The following DRC11 variants were observed in gnomAD, a reference collection of about 807,000 sequenced individuals.
DRC11 encodes the protein IQ and AAA domain-containing protein 1.
chr2:236,356,901 A>G, the DRC11 span, among the ~76,000 whole-genome samples: 4 of 129,698 alleles, frequency 3.1e-5, no homozygotes. Context: ...TATAATATGT[A>G]TATTTATATA....
chr2:236,335,355 C>T, the DRC11 span, among the ~76,000 whole-genome samples: 36 of 152,332 alleles, frequency 2.4e-4, no homozygotes, highest in Admixed American at 1.4e-3. This position sits in a 1 kb window ranked among gnomAD's most constrained non-coding sequence, Gnocchi z 5.6. Flanking sequence ...GCGATGACGT[C>T]GGCCAGAATG....
the DRC11 span, among the ~76,000 whole-genome samples, chr2:236,374,625 G>C: frequency 2.6e-5 from 4 of 152,150 alleles, no homozygotes; most frequent in Non-Finnish European, 5.9e-5. Context: ...CTCACATTGT[G>C]AGAACGAAAG....
the DRC11 span, chr2:236,408,982 G>T: frequency 1.4e-6 from 1 of 709,304 alleles, no homozygotes. This position sits in a 1 kb window ranked among gnomAD's most constrained non-coding sequence, Gnocchi z 5.5. Flanking sequence ...TCATCCTTAG[G>T]GCAGCTCTTC....
chr2:236,365,369 T>C, the DRC11 span, among the ~76,000 whole-genome samples: 1 of 151,854 alleles, frequency 6.6e-6, no homozygotes, highest in Non-Finnish European at 1.5e-5. The surrounding 1 kb of genome is among the most constrained non-coding windows in gnomAD (Gnocchi z 7.4). Context: ...GGCCAGCCTC[T>C]GAGGAATGGG....
At chr2:236,493,851 T>C in the DRC11 span, 1 of 1,606,622 alleles carries the variant, frequency 6.2e-7, no homozygotes, top group Non-Finnish European at 8.5e-7. Flanking sequence ...AACTTCTCCT[T>C]CAAAAAATAC....
At chr2:236,430,198 A>AACAC in the DRC11 span, among the ~76,000 whole-genome samples, 5,160 of 149,184 alleles carry the variant, frequency 0.035, 255 homozygotes, top group African/African-American at 0.11. This position sits in a 1 kb window ranked among gnomAD's most constrained non-coding sequence, Gnocchi z 6.0. Context: ...ATATACATAT[A>AACAC]ACACACACAC....
the DRC11 span, among the ~76,000 whole-genome samples, chr2:236,419,591 C>T: frequency 6.6e-6 from 1 of 152,318 alleles, no homozygotes; most frequent in Non-Finnish European, 1.5e-5. The surrounding 1 kb of genome is among the most constrained non-coding windows in gnomAD (Gnocchi z 4.8). Flanking sequence ...ATAGCTTCCT[C>T]AACGTCTCAG....
At chr2:236,449,018 C>T in the DRC11 span, among the ~76,000 whole-genome samples, 1 of 151,922 alleles carries the variant, frequency 6.6e-6, no homozygotes, top group Admixed American at 6.6e-5. The surrounding 1 kb of genome is among the most constrained non-coding windows in gnomAD (Gnocchi z 5.1). Context: ...TGCCACCACG[C>T]CTGGCAAATT....
chr2:236,459,582 TATATAC>T, the DRC11 span, among the ~76,000 whole-genome samples: 4 of 145,218 alleles, frequency 2.8e-5, no homozygotes, highest in East Asian at 7.9e-4. Context: ...TATACATACG[TATATAC>T]GTATACGTAT....
At chr2:236,424,124 C>T in the DRC11 span, among the ~76,000 whole-genome samples, 5 of 151,934 alleles carry the variant, frequency 3.3e-5, no homozygotes, top group South Asian at 1.0e-3. Context: ...GTGGGTGCAG[C>T]ACACCAGCAC....
At chr2:236,500,357 C>T in the DRC11 span, among the ~76,000 whole-genome samples, 242 of 152,260 alleles carry the variant, frequency 1.6e-3, 7 homozygotes, top group South Asian at 0.043. The surrounding 1 kb of genome is among the most constrained non-coding windows in gnomAD (Gnocchi z 6.3). Flanking sequence ...TTGACTTCAT[C>T]GCTTCCCGTT....
chr2:236,506,601 A>G, the DRC11 span, among the ~76,000 whole-genome samples: 11 of 152,172 alleles, frequency 7.2e-5, no homozygotes, highest in African/African-American at 2.4e-4. The surrounding 1 kb of genome is among the most constrained non-coding windows in gnomAD (Gnocchi z 4.9). Context: ...TTCATCCCCA[A>G]GTTCCCTCAT....
chr2:236,402,201 C>A, the DRC11 span, among the ~76,000 whole-genome samples: 39 of 152,306 alleles, frequency 2.6e-4, no homozygotes, highest in East Asian at 7.3e-3. The surrounding 1 kb of genome is among the most constrained non-coding windows in gnomAD (Gnocchi z 6.0). Flanking sequence ...CAGTTACTTT[C>A]TGAGGCAACT....
At chr2:236,447,104 C>T in the DRC11 span, among the ~76,000 whole-genome samples, 1 of 151,578 alleles carries the variant, frequency 6.6e-6, no homozygotes, top group Non-Finnish European at 1.5e-5. This position sits in a 1 kb window ranked among gnomAD's most constrained non-coding sequence, Gnocchi z 4.6. Context: ...GTCTCCTTCC[C>T]AGCCTGGCTC....
chr2:236,393,955 C>T, the DRC11 span, among the ~76,000 whole-genome samples: 15 of 152,058 alleles, frequency 9.9e-5, 1 homozygote, highest in South Asian at 6.2e-4. The surrounding 1 kb of genome is among the most constrained non-coding windows in gnomAD (Gnocchi z 4.7). Flanking sequence ...CCCTTCCTCA[C>T]GCTGATATGG....
the DRC11 span, among the ~76,000 whole-genome samples, chr2:236,352,268 C>T: frequency 2.0e-5 from 3 of 151,932 alleles, no homozygotes; most frequent in Non-Finnish European, 4.4e-5. The surrounding 1 kb of genome is among the most constrained non-coding windows in gnomAD (Gnocchi z 7.0). Context: ...GTGGCCTTGG[C>T]GGGGAGTGGA....
the DRC11 span, among the ~76,000 whole-genome samples, chr2:236,320,523 C>T: frequency 7.2e-5 from 11 of 152,272 alleles, no homozygotes; most frequent in Non-Finnish European, 1.2e-4. Flanking sequence ...TGTCTCTGAA[C>T]GCAGGTGTTT....
the DRC11 span, among the ~76,000 whole-genome samples, chr2:236,503,278 G>T: frequency 6.6e-6 from 1 of 152,164 alleles, no homozygotes; most frequent in Admixed American, 6.5e-5. This position sits in a 1 kb window ranked among gnomAD's most constrained non-coding sequence, Gnocchi z 4.9. Flanking sequence ...GCTTCCACCA[G>T]GGGGAAACCA....
chr2:236,387,710 G>A, the DRC11 span, among the ~76,000 whole-genome samples: 1 of 151,356 alleles, frequency 6.6e-6, no homozygotes, highest in African/African-American at 2.4e-5. Context: ...TCATTATGAC[G>A]TTAGCTGGTT....
Sources: gnomAD v4.1 joint callset for allele counts (sites outside exome capture counted in the v4.1 genomes callset) on GRCh38, gnomAD v4.1.1 for gene constraint, Gnocchi (gnomAD v3.1) non-coding constraint, MANE v1.5 for transcripts, NCBI Gene and HGNC (gene_info 2026-07-23, HGNC 2026-07-21) for gene names.